The following RARS2 variants were observed in gnomAD, a reference collection of about 807,000 sequenced individuals.
RARS2 encodes probable arginine--tRNA ligase, mitochondrial.
RARS2 carries 67 observed loss-of-function variants against 88.5 expected under a neutral mutation model. The ratio of observed to expected loss-of-function variants is 0.76; its 90% CI spans 0.62 to 0.93. RARS2 has a LOEUF of 0.93. RARS2 is among the 40% of genes least tolerant of loss of function. The pLI is 0.00. For synonymous variants in RARS2, 239 were observed against 230.3 expected (o/e 1.04, Z -0.34); for missense variants, 664 against 684.2 (o/e 0.97, Z 0.33).
chr6:87,538,744 A>T (rs980820382), intron 8 of RARS2, among the ~76,000 whole-genome samples: 2 of 152,144 alleles, frequency 1.3e-5, no homozygotes, highest in South Asian at 2.1e-4. Context: ...TTAAAAAATT[A>T]AAAAATAGGT....
intron 18 of RARS2, among the ~76,000 whole-genome samples, chr6:87,516,330 T>A (rs1325734210): frequency 6.6e-6 from 1 of 152,200 alleles, no homozygotes; most frequent in Non-Finnish European, 1.5e-5. Context: ...TAAGTTTAAA[T>A]GCCTCAGTAC....
intron 1 of RARS2, among the ~76,000 whole-genome samples, chr6:87,575,262 CACACACACA>C (rs1771085122): frequency 6.7e-6 from 1 of 148,656 alleles, no homozygotes; most frequent in African/African-American, 2.6e-5. Flanking sequence ...CACACACACA[CACACACACA>C]CACACACCTT....
chr6:87,545,762 T>C (rs1782451552), intron 6 of RARS2, 63 bp from the exon 7 acceptor site: 2 of 1,551,546 alleles, frequency 1.3e-6, no homozygotes, highest in Non-Finnish European at 1.8e-6. Context: ...ATAAGAACCA[T>C]GTACTTCTCT....
intron 5 of RARS2, 45 bp from the exon 6 acceptor site, chr6:87,548,691 CTTCT>C (rs1197111394): frequency 1.3e-6 from 2 of 1,558,824 alleles, no homozygotes; most frequent in Non-Finnish European, 1.8e-6. Flanking sequence ...AGACTTAAGA[CTTCT>C]AAGAATCAAC....
intron 1 of RARS2, among the ~76,000 whole-genome samples, chr6:87,587,156 G>A (rs1459379510): frequency 6.6e-6 from 1 of 152,080 alleles, no homozygotes; most frequent in African/African-American, 2.4e-5. Flanking sequence ...AAGTGCTGGG[G>A]TTATAGGCAT....
intron 1 of RARS2, among the ~76,000 whole-genome samples, chr6:87,575,248 C>T (rs1009125278): frequency 6.2e-5 from 9 of 145,058 alleles, no homozygotes; most frequent in African/African-American, 2.2e-4. Flanking sequence ...CACACACACA[C>T]ACACACACAC....
intron 10 of RARS2, among the ~76,000 whole-genome samples, chr6:87,528,983 AAT>A (rs1464493779): frequency 6.6e-6 from 1 of 152,200 alleles, no homozygotes; most frequent in Non-Finnish European, 1.5e-5. Context: ...AAATATATAC[AAT>A]ATGTCATTCA....
chr6:87,520,868 T>G (rs1582290755), intron 12 of RARS2, among the ~76,000 whole-genome samples: 1 of 152,338 alleles, frequency 6.6e-6, no homozygotes, highest in East Asian at 1.9e-4. Flanking sequence ...GATTATTAAG[T>G]GGCTGACCAC....
rs533892818 is a variant in RARS2 at position 87,523,002 on chromosome 6, A to T, written c.975-1478T>A. Among the ~76,000 whole-genome samples the T allele has an allele frequency of 7.4e-4, 112 of 152,338 alleles. 3 individuals carry two copies. In the South Asian group the frequency reaches 0.019, roughly 26 times the overall value. Reference sequence around the variant, plus strand: ...ATCTGTGGGATAAAATTTCATGAGGATTGGCAATTAGGAAAAATATGGCTG... The same window carrying T: ...ATCTGTGGGATAAAATTTCATGAGGTTTGGCAATTAGGAAAAATATGGCTG... On this transcript the variant is annotated intron_variant, in intron 11 of 19. Transcript: ENST00000369536.
intron 16 of RARS2, 137 bp downstream of exon 16, chr6:87,518,493 A>T (rs2127999858): frequency 7.8e-7 from 1 of 1,279,738 alleles, no homozygotes; most frequent in Non-Finnish European, 1.1e-6. Flanking sequence ...TTTTTCCTAA[A>T]AGAAGGTCTA....
chr6:87,529,336 C>A (rs1392060428), intron 10 of RARS2, among the ~76,000 whole-genome samples: 2 of 152,102 alleles, frequency 1.3e-5, no homozygotes, highest in Admixed American at 1.3e-4. Context: ...TTATAAAAAA[C>A]AAGTAACATC....
At chr6:87,519,527 A>G in intron 14 of RARS2, 56 bp downstream of exon 14, 1 of 1,549,562 alleles carries the variant, frequency 6.5e-7, no homozygotes, top group Non-Finnish European at 8.9e-7. Context: ...CAAAGTCCAG[A>G]ATAACATAAA....
intron 4 of RARS2, among the ~76,000 whole-genome samples, chr6:87,561,514 T>C (rs1026592809): frequency 5.9e-5 from 9 of 152,224 alleles, no homozygotes; most frequent in Admixed American, 4.6e-4. Context: ...TCCTCAAGCC[T>C]GGCCCAAGTA....
intron 12 of RARS2, among the ~76,000 whole-genome samples, 166 bp from the exon 13 acceptor site, chr6:87,520,422 T>C (rs1203252158): frequency 6.6e-6 from 1 of 152,152 alleles, no homozygotes; most frequent in Non-Finnish European, 1.5e-5. Context: ...AGTGTCTAAG[T>C]GGACTGCTCT....
At chr6:87,536,742 C>G (rs1053513124) in intron 8 of RARS2, among the ~76,000 whole-genome samples, 2 of 151,724 alleles carry the variant, frequency 1.3e-5, no homozygotes, top group Non-Finnish European at 2.9e-5. Flanking sequence ...TCCTGAATCA[C>G]TAATGTGAAT....
intron 2 of RARS2, among the ~76,000 whole-genome samples, chr6:87,567,511 A>T (rs940369152): frequency 6.6e-6 from 1 of 152,236 alleles, no homozygotes; most frequent in Non-Finnish European, 1.5e-5. Flanking sequence ...AATCGAGAGA[A>T]TTAGATCAGA....
In RARS2 at chr6:87,546,871, C is replaced by T. The variant is rs186670359; in HGVS notation, c.452-1172G>A. On this transcript the variant is annotated intron_variant, in intron 6 of 19. Transcript: ENST00000369536. ...TTCCCAATCTATAAAGTCCCTGCAA[C>T]TGGAACCTGTTTTTCCAGCTGGCAC... 1.5e-3 allele frequency among the ~76,000 whole-genome samples: 230 copies of T among 152,334 alleles called. 1 individual carries two copies. Among genetic ancestry groups the T allele is most frequent in the Middle Eastern group, 0.01 (3 of 294 alleles).
chr6:87,535,699 C>G (rs1778926745), intron 8 of RARS2, among the ~76,000 whole-genome samples: 1 of 126,658 alleles, frequency 7.9e-6, no homozygotes, highest in Non-Finnish European at 1.6e-5. Context: ...TTTTTTGAGA[C>G]AGAGTCTCGC....
chr6:87,569,697 G>C (rs919710513), intron 1 of RARS2, 107 bp from the exon 2 acceptor site: 1 of 836,774 alleles, frequency 1.2e-6, no homozygotes. Context: ...ACACGAATGA[G>C]CTCCAAATGC....
Sources: allele counts gnomAD v4.1 joint callset (sites outside exome capture counted in the v4.1 genomes callset), GRCh38; gene constraint gnomAD v4.1.1; transcripts MANE v1.5; gene names NCBI Gene and HGNC (gene_info 2026-07-23, HGNC 2026-07-21).